Variants in COL17A1 observed in about 807,000 individuals in gnomAD.
COL17A1 encodes the protein collagen type XVII alpha 1 chain.
In COL17A1, 181 loss-of-function variants were observed where a neutral mutation model predicts 218.4. That is an observed-to-expected ratio of 0.83 (90% CI 0.73 to 0.94). The LOEUF is 0.94. Among genes scored for constraint, COL17A1 ranks in the 40% least tolerant of loss-of-function variants. The pLI is 0.00. For missense variants in COL17A1, 1,924 were observed against 1,945.9 expected, an observed-to-expected ratio of 0.99 and a Z score of 0.21; for synonymous variants, 721 against 731.0, an observed-to-expected ratio of 0.99 and a Z score of 0.22.
chr10:104,053,678 G>C (rs1042016110), intron 22 of COL17A1, among the ~76,000 whole-genome samples: 7 of 151,900 alleles, frequency 4.6e-5, no homozygotes, highest in Non-Finnish European at 7.4e-5. Context: ...ATCCCTCCAG[G>C]CTCTCCTTTC....
At position 104,062,339 on chromosome 10, in the gene COL17A1, C is replaced by T. The variant is rs199952824; in HGVS notation, c.839-10G>A. 3.1e-4 allele frequency: 507 copies of T among 1,614,212 alleles called. 3 individuals are homozygous for T. Among genetic ancestry groups the T allele is most frequent in the African/African-American group, 2.1e-3 (158 of 75,054 alleles). On this transcript the variant is annotated splice_polypyrimidine_tract_variant and intron_variant, in intron 11 of 55. Transcript: ENST00000648076. ...TTCTGCATGCCAAACACTGTGAAAG[C>T]AACCAAGGTCAGGTGAGTACAGGGA...
chr10:104,049,566 C>CAGA, intron 28 of COL17A1, 95 bp from the exon 29 acceptor site: 2 of 1,368,182 alleles, frequency 1.5e-6, no homozygotes, highest in Non-Finnish European at 2.1e-6. Context: ...GTCAAGGAAG[C>CAGA]AGCTTCTGCT....
At chr10:104,047,677 CCA>C in intron 31 of COL17A1, 60 bp downstream of exon 31, 1 of 1,367,450 alleles carries the variant, frequency 7.3e-7, no homozygotes, top group Non-Finnish European at 1.0e-6. Context: ...ATGCCTACAT[CCA>C]CACACACAAA....
Position 104,033,168 on chromosome 10 carries a change from GTC to G in COL17A1, c.4294+68_4294+69del, listed in dbSNP as rs1844711805. ...ACTGGAGATTTCTCATGAGACTGGT[GTC>G]TCTGGAGCAGACCCGTGGGAACCTA... On this transcript the variant is annotated intron_variant, in intron 53 of 55. Transcript: ENST00000648076. The G allele has an allele frequency of 2.6e-6, 4 of 1,552,306 alleles. No homozygotes were observed. The South Asian group carries it at 3.6e-5, about 14-fold the overall frequency.
Position 104,034,324 on chromosome 10 carries a change from C to A in COL17A1, c.3777G>T (p.Val1259=). ...ELISYLTSPD[V]RSFIVGPPGP... ...CTGGGGGGCCAACAATGAAGCTGCG[C>A]ACATCAGGACCTGCAGGGTGAGAAG... is the stretch of plus-strand genomic sequence containing the variant. The change falls in exon 52 of 56, where the codon GTG becomes GTT. Residue 1259 remains valine (V), a synonymous_variant. Coordinates refer to ENST00000648076, the MANE Select transcript of COL17A1 (RefSeq NM_000494.4). The A allele has an allele frequency of 6.4e-7, 1 of 1,558,254 alleles. No homozygotes were observed. The highest frequency in any genetic ancestry group is 1.4e-5 in the African/African-American group (1 of 73,560).
At chr10:104,040,142 C>G (rs1308697275) in intron 40 of COL17A1, 143 bp from the exon 41 acceptor site, 3 of 1,043,156 alleles carry the variant, frequency 2.9e-6, no homozygotes, top group Non-Finnish European at 4.5e-6. Context: ...TCTCACTAGG[C>G]CAATGTTGGG....
At chr10:104,056,297 G>A (rs2086524691) in intron 17 of COL17A1, among the ~76,000 whole-genome samples, 1 of 152,130 alleles carries the variant, frequency 6.6e-6, no homozygotes, top group African/African-American at 2.4e-5. Flanking sequence ...AAATAGATAT[G>A]GCTGGCCAGG....
chr10:104,048,367 TC>T (rs1210486336), intron 29 of COL17A1, among the ~76,000 whole-genome samples: 2 of 152,222 alleles, frequency 1.3e-5, no homozygotes, highest in Admixed American at 6.5e-5. Context: ...TCAATGCTTG[TC>T]GCGTTTACTT....
chr10:104,034,142 G>C lies in COL17A1; in HGVS notation c.3959C>G (p.Ser1320Cys), dbSNP rs757977961. The change falls in exon 52 of 56, where the codon TCC (serine) becomes TGC (cysteine). Residue 1320 changes from serine to cysteine, a missense_variant. Transcript: ENST00000648076. ...ACCAAAGGCACCGCCTGCACCCAGG[G>C]AGCCTGCACCACCTCCTCCTGTGCT... Reference protein sequence around the residue: ...SMSTGGGGAGSLGAGGAFGEA... With the variant: ...SMSTGGGGAGCLGAGGAFGEA... 6.2e-7 allele frequency: 1 copy of C among 1,613,792 alleles called. No individual in the cohort carries two copies. The highest frequency in any genetic ancestry group is 1.1e-5 in the South Asian group (1 of 91,054).
chr10:104,049,063 G>A (rs2086441827), intron 29 of COL17A1, among the ~76,000 whole-genome samples: 1 of 152,094 alleles, frequency 6.6e-6, no homozygotes, highest in African/African-American at 2.4e-5. Context: ...TAAAAACCTG[G>A]ATTTGGCCAT....
intron 8 of COL17A1, among the ~76,000 whole-genome samples, 194 bp downstream of exon 8, chr10:104,071,838 C>A (rs562614600): frequency 6.6e-6 from 1 of 152,252 alleles, no homozygotes; most frequent in South Asian, 2.1e-4. Flanking sequence ...ACGGTTTACT[C>A]AGCGGCTTAA....
intron 33 of COL17A1, 22 bp downstream of exon 33, chr10:104,045,736 T>A (rs891026207): frequency 1.3e-6 from 2 of 1,598,922 alleles, no homozygotes; most frequent in East Asian, 2.2e-5. Flanking sequence ...AAGAAAGAAA[T>A]CTCATTTGGA....
At chr10:104,040,480 C>CTATGTTGTCAGGTGCTG in intron 39 of COL17A1, 70 bp from the exon 40 acceptor site, 3 of 988,510 alleles carry the variant, frequency 3.0e-6, no homozygotes, top group Non-Finnish European at 4.9e-6. Context: ...TGCACAGCAC[C>CTATGTTGTCAGGTGCTG]TGACAACATA....
intron 1 of COL17A1, among the ~76,000 whole-genome samples, chr10:104,083,897 C>G (rs181361389): frequency 1.2e-4 from 18 of 152,306 alleles, no homozygotes; most frequent in African/African-American, 4.3e-4. Flanking sequence ...GCTTCTATTA[C>G]TCCATTCTCT....
Position 104,055,881 on chromosome 10 carries a change from C to CG in COL17A1, c.1587dup (p.Ala530ArgfsTer14). ...ATTTTGTCCAGGTCTGCTCCCGCCG[C>CG]GGGTGCCATGCCCTGGAGGCGGTCC... On this transcript the variant is annotated frameshift_variant, in exon 18 of 56. Transcript: ENST00000648076. LOFTEE classifies it high-confidence loss of function. 1 of 1,614,232 alleles carries CG rather than the reference C, an allele frequency of 6.2e-7. No homozygotes were observed. The highest frequency in any genetic ancestry group is 1.1e-5 in the South Asian group (1 of 91,082).
chr10:104,063,853 C>T, intron 10 of COL17A1, 35 bp from the exon 11 acceptor site: 3 of 1,613,428 alleles, frequency 1.9e-6, no homozygotes, highest in Non-Finnish European at 1.7e-6. Context: ...GTGAGAGGGA[C>T]ATCTGGCCCA....
At chr10:104,038,584 C>T (rs1454930092) in intron 44 of COL17A1, 56 bp from the exon 45 acceptor site, 51 of 1,600,054 alleles carry the variant, frequency 3.2e-5, no homozygotes, top group Middle Eastern at 1.7e-4. Context: ...GTCAGACAAA[C>T]GGGCCCAGGA....
Position 104,063,789 on chromosome 10 carries a change from A to C in COL17A1, c.796T>G (p.Cys266Gly), listed in dbSNP as rs563123959. ...VFGVPNNMAS[C>G]SPTLHPGLST... ...AGTCCAGGGTGCAAAGTGGGTGAGC[A>C]GGACGCCATGTTGTTTGGAACTCCG... is the stretch of plus-strand genomic sequence containing the variant. Residue 266 changes from cysteine to glycine, a missense_variant, in exon 11 of 56, where the codon TGC becomes GGC. Physicochemically the swap from Cys to Gly is radical, Grantham distance 159. Coordinates refer to ENST00000648076, the MANE Select transcript of COL17A1 (RefSeq NM_000494.4). 1.2e-5 allele frequency: 19 copies of C among 1,614,242 alleles called. No homozygotes were observed. The South Asian group carries it at 1.8e-4, about 15-fold the overall frequency.
At chr10:104,059,245 C>T (rs527899375) in intron 15 of COL17A1, 19 of 293,800 alleles carry the variant, frequency 6.5e-5, no homozygotes, top group Admixed American at 2.9e-4. Context: ...TATAGGGCAT[C>T]GTCAAGAAAT....
Sources: allele counts gnomAD v4.1 joint callset (sites outside exome capture counted in the v4.1 genomes callset), GRCh38; gene constraint gnomAD v4.1.1; transcripts MANE v1.5; gene names NCBI Gene and HGNC (gene_info 2026-07-23, HGNC 2026-07-21).